TENM3: variants seen among roughly 807,000 people sequenced by gnomAD.
The protein encoded by TENM3 is teneurin-3.
TENM3 carries 63 observed loss-of-function variants against 255.1 expected under a neutral mutation model. The observed-to-expected ratio is 0.25, with a 90% CI of 0.20 to 0.30. TENM3 has a LOEUF of 0.30. Ranked by LOEUF, TENM3 falls within the 10% of genes least tolerant of loss-of-function variation. The probability of loss-of-function intolerance (pLI) is 1.00; values close to 1 mark genes in which losing one functional copy is unlikely to be tolerated. For missense variants in TENM3, 2,929 were observed against 3,461.1 expected (o/e 0.85, Z 3.86); for synonymous variants, 1,306 against 1,322.3 (o/e 0.99, Z 0.27).
intron 22 of TENM3, 120 bp from the exon 23 acceptor site, chr4:182,773,352 A>C: frequency 4.5e-6 from 4 of 885,010 alleles, no homozygotes; most frequent in Non-Finnish European, 6.9e-6. Context: ...TGCATCGCTC[A>C]TCCACGAAGA....
the TENM3 span, chr4:181,874,492 GTC>G: frequency 6.6e-6 from 1 of 152,192 alleles, no homozygotes; most frequent in African/African-American, 2.4e-5. Context: ...ACGATAAAAT[GTC>G]TCTCTTTCAC....
chr4:181,849,949 T>TCTCTCACA, the TENM3 span, among the ~76,000 whole-genome samples: 13 of 65,958 alleles, frequency 2.0e-4, no homozygotes, highest in African/African-American at 3.5e-4. Flanking sequence ...TCTCTCTCTC[T>TCTCTCACA]CACACACACA....
rs1766259195 is a variant in TENM3, at chr4:182,793,457, T to C, written c.6785T>C (p.Val2262Ala). ...DLTYPTRITH[V>A]YNHSSSEITS... is the part of the protein sequence containing the mutation. Reference sequence around the variant, plus strand: ...ACTTATCCCACTAGGATTACTCATGTCTACAACCATTCGAGTTCAGAAATT... The same window carrying C: ...ACTTATCCCACTAGGATTACTCATGCCTACAACCATTCGAGTTCAGAAATT... The change falls in exon 26 of 28, where the codon GTC (valine) becomes GCC (alanine). Residue 2262 changes from valine to alanine, a missense_variant. By Grantham distance (64) the Val-to-Ala change is moderately conservative (BLOSUM62 0). Coordinates refer to ENST00000511685, the MANE Select transcript of TENM3 (RefSeq NM_001080477.4). The surrounding 1 kb of genome is among the most constrained non-coding windows in gnomAD (Gnocchi z 5.7). 6.2e-7 allele frequency: 1 copy of C among 1,613,886 alleles called. No homozygotes were observed. Among genetic ancestry groups the C allele is most frequent in the Admixed American group, 1.7e-5 (1 of 60,006 alleles).
intron 16 of TENM3, among the ~76,000 whole-genome samples, chr4:182,735,294 T>C (rs961116163): frequency 3.3e-5 from 5 of 152,310 alleles, no homozygotes; most frequent in Middle Eastern, 6.8e-3. Context: ...TACTGTACTG[T>C]ACCACATCGC....
At chr4:181,492,130 ATTC>A in the TENM3 span, among the ~76,000 whole-genome samples, 3 of 152,186 alleles carry the variant, frequency 2.0e-5, no homozygotes, top group Non-Finnish European at 4.4e-5. Flanking sequence ...CATCAATAAT[ATTC>A]TTTGGATGCT....
At chr4:181,464,442 A>G in the TENM3 span, among the ~76,000 whole-genome samples, 1 of 152,070 alleles carries the variant, frequency 6.6e-6, no homozygotes, top group Non-Finnish European at 1.5e-5. Context: ...TCATGTGTAT[A>G]TCTTCTTTTG....
At chr4:182,220,245 C>T (rs1193986543) in intron 1 of TENM3, among the ~76,000 whole-genome samples, 3 of 151,788 alleles carry the variant, frequency 2.0e-5, no homozygotes, top group Admixed American at 1.3e-4. Flanking sequence ...GGCATGGTGG[C>T]GGGAGCCTGT....
chr4:182,307,960 C>T (rs1434751667), intron 1 of TENM3, among the ~76,000 whole-genome samples: 1 of 152,226 alleles, frequency 6.6e-6, no homozygotes, highest in African/African-American at 2.4e-5. Context: ...CCTGCACTCC[C>T]CTTTTGTGGT....
At chr4:182,297,701 A>G (rs1761583892) in intron 1 of TENM3, among the ~76,000 whole-genome samples, 1 of 152,190 alleles carries the variant, frequency 6.6e-6, no homozygotes, top group Non-Finnish European at 1.5e-5. Context: ...CTTTTAGATG[A>G]CAAGTCTAGA....
chr4:182,256,587 G>A (rs1758415210), intron 1 of TENM3, among the ~76,000 whole-genome samples: 1 of 152,132 alleles, frequency 6.6e-6, no homozygotes, highest in Non-Finnish European at 1.5e-5. Context: ...CGAGTTTCAG[G>A]AGTTGGTCAA....
intron 3 of TENM3, among the ~76,000 whole-genome samples, chr4:182,490,221 C>A (rs924236180): frequency 6.6e-6 from 1 of 152,110 alleles, no homozygotes; most frequent in African/African-American, 2.4e-5. Flanking sequence ...AGATACTTGG[C>A]CTTTTGAATA....
intron 12 of TENM3, among the ~76,000 whole-genome samples, chr4:182,702,831 G>A (rs936598470): frequency 2.0e-5 from 3 of 151,672 alleles, no homozygotes; most frequent in Non-Finnish European, 2.9e-5. Context: ...TCCACCTCCC[G>A]GGTGCAGCCA....
At chr4:181,904,490 T>G in the TENM3 span, among the ~76,000 whole-genome samples, 1 of 152,136 alleles carries the variant, frequency 6.6e-6, no homozygotes, top group African/African-American at 2.4e-5. Context: ...CCATACTAAT[T>G]AAAAATTTAA....
At chr4:181,885,622 GA>G in the TENM3 span, among the ~76,000 whole-genome samples, 2 of 151,998 alleles carry the variant, frequency 1.3e-5, no homozygotes, top group African/African-American at 4.8e-5. Flanking sequence ...ACTTGAGCAT[GA>G]AAAAAATCAC....
At chr4:181,491,166 G>A in the TENM3 span, among the ~76,000 whole-genome samples, 1 of 151,832 alleles carries the variant, frequency 6.6e-6, no homozygotes, top group African/African-American at 2.4e-5. Flanking sequence ...CTTATTTACT[G>A]ACTTTATTAA....
rs1192009045 is a variant in TENM3 at position 182,375,543 on chromosome 4, T to G, written c.511+28614T>G. Among the ~76,000 whole-genome samples, 4 of 152,124 alleles carry G rather than the reference T, an allele frequency of 2.6e-5. No homozygotes were observed. The East Asian group carries it at 7.7e-4, about 29-fold the overall frequency. On this transcript the variant is annotated intron_variant, in intron 3 of 27. Coordinates refer to ENST00000511685, the MANE Select transcript of TENM3 (RefSeq NM_001080477.4). ...TTGCGTGTTGTGGATGGTTTTTATT[T>G]TTATTTTTTTATTTTTGAGACAGAG... is the stretch of plus-strand genomic sequence containing the variant.
chr4:182,600,889 T>G, intron 3 of TENM3, 35 bp from the exon 4 acceptor site: 6 of 1,048,892 alleles, frequency 5.7e-6, no homozygotes, highest in African/African-American at 1.6e-5. Flanking sequence ...ATATAATGAG[T>G]TCTCTTTCTT....
chr4:181,741,973 A>G, the TENM3 span, among the ~76,000 whole-genome samples: 3 of 152,212 alleles, frequency 2.0e-5, no homozygotes, highest in African/African-American at 7.2e-5. Context: ...ACTTCAAATC[A>G]GAACACTTAT....
At chr4:182,516,824 G>A (rs558934178) in intron 3 of TENM3, among the ~76,000 whole-genome samples, 2 of 151,776 alleles carry the variant, frequency 1.3e-5, no homozygotes, top group South Asian at 4.2e-4. Context: ...CCAGGAGGCA[G>A]AGGTTGCAGT....
Sources: allele counts gnomAD v4.1 joint callset (sites outside exome capture counted in the v4.1 genomes callset), GRCh38; gene constraint gnomAD v4.1.1; non-coding constraint Gnocchi (gnomAD v3.1); transcripts MANE v1.5; gene names NCBI Gene and HGNC (gene_info 2026-07-23, HGNC 2026-07-21).